MUC12: variants seen among roughly 807,000 people sequenced by gnomAD.
MUC12 encodes mucin 12, cell surface associated.
In MUC12, 172 loss-of-function variants were observed where a neutral mutation model predicts 230.8. That is an observed-to-expected ratio of 0.75 (90% CI 0.66 to 0.85). The LOEUF (loss-of-function observed/expected upper bound fraction) is 0.85, where lower values mean the gene tolerates loss of function less well. Among genes scored for constraint, MUC12 ranks in the 40% least tolerant of loss-of-function variants. MUC12 has a pLI of 0.00. For missense variants in MUC12, 3,506 were observed against 5,920.6 expected (o/e 0.59, Z 13.38); for synonymous variants, 1,259 against 2,401.9 (o/e 0.52, Z 13.91).
In MUC12 at chr7:100,993,603, C is replaced by G. The variant is rs1793395287; in HGVS notation, c.3040C>G (p.Pro1014Ala). The stretch of plus-strand genomic sequence containing the variant: ...TTCACCTCCTAGCACCGCAACAGCC[C>G]CTGTTGAAGAATCTACAACCTACCA... ...TPSPPSTATA[P>A]VEESTTYHRS... Residue 1014 changes from proline to alanine, a missense_variant, in exon 2 of 12, where the codon CCT (proline) becomes GCT (alanine). Pro to Ala is a conservative substitution (Grantham distance 27, BLOSUM62 -1). Coordinates refer to ENST00000536621, the MANE Select transcript of MUC12 (RefSeq NM_001164462.2). 6.4e-6 allele frequency: 6 copies of G among 936,990 alleles called. 2 individuals are homozygous for G. The Admixed American group carries it at 1.5e-4, about 23-fold the overall frequency. 58.0% of individuals were successfully genotyped at this position (936,990 alleles called of 1,614,324 possible).
chr7:101,018,737 C>A lies in MUC12; in HGVS notation c.*101C>A. ...GGGCGGGTCAAGAGGAGACCGAAGT[C>A]AGGCCCTGAAGCCGGTCCTGCTCTG... On this transcript the variant is annotated 3_prime_UTR_variant, in exon 12 of 12. Coordinates refer to ENST00000536621, the MANE Select transcript of MUC12 (RefSeq NM_001164462.2). 2 of 1,254,532 alleles carry A rather than the reference C, an allele frequency of 1.6e-6. No homozygotes were observed. Among genetic ancestry groups the A allele is most frequent in the South Asian group, 1.5e-5 (1 of 67,240 alleles). The allele number at this position is 1,254,532 out of a possible 1,614,324, so 77.7% of individuals were successfully genotyped here. A position where few individuals can be genotyped will look rare whatever the true frequency, so the allele number is the denominator to read the frequency against.
At chr7:101,017,684 C>T (rs1300890583) in intron 11 of MUC12, 21 bp downstream of exon 11, 12 of 1,520,048 alleles carry the variant, frequency 7.9e-6, no homozygotes, top group South Asian at 1.2e-5. Context: ...TGCGAGCTGC[C>T]CCCACCCCCT....
chr7:101,018,335 TTCTCCCCCTAGGACTCC>T (rs1793985402), intron 11 of MUC12, among the ~76,000 whole-genome samples: 1 of 66,756 alleles, frequency 1.5e-5, no homozygotes, highest in Non-Finnish European at 2.9e-5. Flanking sequence ...TGGGACTCCC[TTCTCCCCCTAGGACTCC>T]CTCCCTTCTC....
Position 101,004,618 on chromosome 7 carries a change from A to T in MUC12, c.14055A>T (p.Ala4685=). The change falls in exon 2 of 12, where the codon GCA becomes GCT. Residue 4685 remains alanine, a synonymous_variant. Coordinates refer to ENST00000536621, the MANE Select transcript of MUC12 (RefSeq NM_001164462.2). ...CCGGCCGTAGTGAGGAATCAACAGCATCCCACAGCAGCCCAGATACAAATG... is the reference window on the plus strand; with the variant it reads ...CCGGCCGTAGTGAGGAATCAACAGCTTCCCACAGCAGCCCAGATACAAATG... ...TTSGRSEEST[A]SHSSPDTNGI... is the part of the protein sequence containing the mutation. The T allele has an allele frequency of 2.0e-6, 3 of 1,536,266 alleles. No individual in the cohort carries two copies. Among genetic ancestry groups the T allele is most frequent in the Non-Finnish European group, 2.6e-6 (3 of 1,145,934 alleles).
In MUC12 at chr7:101,012,844, G is replaced by C. The variant is rs1265752796; in HGVS notation, c.15429G>C (p.Glu5143Asp). ...CRKAILCYSE[E>D]DTFVDSSVTP... ...AGGCCATACTGTGCTATAGTGAAGA[G>C]GACACTTTCGTGGATTCATCGGTGA... Residue 5143 changes from glutamate to aspartate, a missense_variant, in exon 7 of 12, where the codon GAG becomes GAC. Transcript: ENST00000536621. The C allele has an allele frequency of 6.5e-7, 1 of 1,537,276 alleles. No homozygotes were observed. The highest frequency in any genetic ancestry group is 8.7e-7 in the Non-Finnish European group (1 of 1,146,922).
intron 10 of MUC12, among the ~76,000 whole-genome samples, chr7:101,016,163 G>C (rs1357926690): frequency 6.6e-6 from 1 of 152,124 alleles, no homozygotes; most frequent in Non-Finnish European, 1.5e-5. Context: ...CCCAGGCAGG[G>C]GGCACTGCAT....
intron 1 of MUC12, among the ~76,000 whole-genome samples, chr7:100,974,430 G>A (rs973307582): frequency 8.0e-5 from 1 of 12,440 alleles, no homozygotes; most frequent in Non-Finnish European, 1.7e-4. Flanking sequence ...CTTATCAATT[G>A]ACTGAAGATA....
chr7:100,980,180 T>C (rs964063382), intron 1 of MUC12, among the ~76,000 whole-genome samples: 1 of 151,828 alleles, frequency 6.6e-6, no homozygotes, highest in Non-Finnish European at 1.5e-5. Context: ...AGTAGCTGGG[T>C]CTATAGGTGT....
rs1163406681 is a variant in MUC12 at position 100,995,488 on chromosome 7, C to G, written c.4925C>G (p.Thr1642Ser). ...ACTTTCCACAGCAGCCCAGGCTCCA[C>G]TGAAACAACACTCTTACCTGACAAC... ...STTFHSSPGS[T>S]ETTLLPDNTT... The change falls in exon 2 of 12, where the codon ACT becomes AGT. Residue 1642 changes from threonine to serine, a missense_variant. Physicochemically the swap from Thr to Ser is moderately conservative, Grantham distance 58. Coordinates refer to ENST00000536621, the MANE Select transcript of MUC12 (RefSeq NM_001164462.2). 9 of 1,534,860 alleles carry G rather than the reference C, an allele frequency of 5.9e-6. No individual in the cohort carries two copies. Among genetic ancestry groups the G allele is most frequent in the South Asian group, 2.4e-5 (2 of 83,944 alleles).
chr7:101,005,367 C>G lies in MUC12; in HGVS notation c.14804C>G (p.Thr4935Ser), dbSNP rs1398463737. The change falls in exon 2 of 12, where the codon ACT (threonine) becomes AGT (serine). Residue 4935 changes from threonine (T) to serine (S), a missense_variant. Thr to Ser is a moderately conservative substitution (Grantham distance 58, BLOSUM62 1). Transcript: ENST00000536621. The stretch of plus-strand genomic sequence containing the variant: ...TCAGACCTTGTTGGAGAACCTACAA[C>G]TTTCTACATCAGCCCATCCCCTACT... ...TASDLVGEPT[T>S]FYISPSPTYT... is the part of the protein sequence containing the mutation. The G allele has an allele frequency of 6.5e-7, 1 of 1,537,938 alleles. No individual in the cohort carries two copies. The highest frequency in any genetic ancestry group is 1.2e-5 in the South Asian group (1 of 84,058).
chr7:100,985,901 A>G (rs1356313187), intron 1 of MUC12, among the ~76,000 whole-genome samples: 2 of 152,144 alleles, frequency 1.3e-5, no homozygotes, highest in African/African-American at 4.8e-5. Context: ...GTGCCGGCCT[A>G]TCCTCTGCCA....
intron 1 of MUC12, chr7:100,972,901 G>A (rs1282960429): frequency 8.5e-6 from 6 of 702,852 alleles, no homozygotes; most frequent in Non-Finnish European, 1.3e-5. Flanking sequence ...GCAGACAGTC[G>A]AGCAAGGGAA....
rs1156238488 is a variant in MUC12 at position 101,006,488 on chromosome 7, C to G, written c.14974C>G (p.Gln4992Glu). ...CTCCACAGGGTTGTGCCAGGAAGGA[C>G]AAATTTGGAATGGAAAACAATGCGT... ...TLAPGLCQEG[Q>E]IWNGKQCVCP... The change falls in exon 3 of 12, where the codon CAA becomes GAA. Residue 4992 changes from glutamine (Q) to glutamate (E), a missense_variant. Coordinates refer to ENST00000536621, the MANE Select transcript of MUC12 (RefSeq NM_001164462.2). 1 of 1,537,136 alleles carries G rather than the reference C, an allele frequency of 6.5e-7. No homozygotes were observed. Among genetic ancestry groups the G allele is most frequent in the Non-Finnish European group, 8.7e-7 (1 of 1,146,868 alleles).
chr7:101,017,520 C>T, intron 10 of MUC12, 55 bp from the exon 11 acceptor site: 3 of 1,141,296 alleles, frequency 2.6e-6, no homozygotes, highest in Non-Finnish European at 3.8e-6. Context: ...CCCCTCTGCC[C>T]CCTAGTCCTC....
chr7:101,012,470 G>C (rs1279876862), intron 6 of MUC12, 23 bp downstream of exon 6: 2 of 1,536,802 alleles, frequency 1.3e-6, no homozygotes, highest in African/African-American at 2.7e-5. Flanking sequence ...AAAACCCCTT[G>C]ACACCTGTGG....
In MUC12 at chr7:101,004,846, C is replaced by T. The variant is rs1286340271; in HGVS notation, c.14283C>T (p.Ser4761=). 21 of 1,537,136 alleles carry T rather than the reference C, an allele frequency of 1.4e-5. No homozygotes were observed. Among genetic ancestry groups the T allele is most frequent in the Non-Finnish European group, 1.8e-5 (21 of 1,146,544 alleles). ...CACCTGCCAGCATGACAAGCTCCAGCATCAGTGGAGAACCCACCAGCTTGT... is the reference window on the plus strand; with the variant it reads ...CACCTGCCAGCATGACAAGCTCCAGTATCAGTGGAGAACCCACCAGCTTGT... The part of the protein sequence containing the change: ...TLSPASMTSS[S]ISGEPTSLYS... The change falls in exon 2 of 12, where the codon AGC becomes AGT. Residue 4761 remains serine, a synonymous_variant. Coordinates refer to ENST00000536621, the MANE Select transcript of MUC12 (RefSeq NM_001164462.2).
At chr7:101,017,799 C>T (rs1321000890) in intron 11 of MUC12, 136 bp downstream of exon 11, 16 of 565,130 alleles carry the variant, frequency 2.8e-5, no homozygotes, top group Non-Finnish European at 2.1e-5. Context: ...CCTGGGACCC[C>T]TTCCCTTTCC....
rs893636515 is a variant in MUC12 at position 101,008,838 on chromosome 7, G to T, written c.15186+77G>T. The stretch of plus-strand genomic sequence containing the variant: ...AAATTGGGGGGTGCACCCCAACTTA[G>T]TGATCTGAGTTCTTCTGCTCATGAG... On this transcript the variant is annotated intron_variant, in intron 4 of 11. Transcript: ENST00000536621. 1.0e-5 allele frequency: 15 copies of T among 1,472,792 alleles called. No individual in the cohort carries two copies. In the East Asian group the frequency reaches 3.5e-4, roughly 34 times the overall value. 91.2% of individuals were successfully genotyped at this position (1,472,792 alleles called of 1,614,324 possible). A position where few individuals can be genotyped will look rare whatever the true frequency, so the allele number is the denominator to read the frequency against.
In MUC12 at chr7:100,990,751, C is replaced by A. The variant is rs947222570; in HGVS notation, c.188C>A (p.Thr63Asn). 53 of 1,537,770 alleles carry A rather than the reference C, an allele frequency of 3.4e-5. No individual in the cohort carries two copies. In the East Asian group the frequency reaches 9.8e-4, roughly 28 times the overall value. Residue 63 changes from threonine (T) to asparagine (N), a missense_variant, in exon 2 of 12, where the codon ACT becomes AAT. Coordinates refer to ENST00000536621, the MANE Select transcript of MUC12 (RefSeq NM_001164462.2). ...TCAGTCACATTTATCACGGGCTCAA[C>A]TGCAACAAAACACTTCCTTGACAGC... is the stretch of plus-strand genomic sequence containing the variant. ...GVSVTFITGS[T>N]ATKHFLDSST...
Sources: allele counts gnomAD v4.1 joint callset (sites outside exome capture counted in the v4.1 genomes callset), GRCh38; gene constraint gnomAD v4.1.1; transcripts MANE v1.5; gene names NCBI Gene and HGNC (gene_info 2026-07-23, HGNC 2026-07-21).